The following HIGD1C variants were observed in gnomAD, a reference collection of about 807,000 sequenced individuals.
HIGD1C encodes the protein HIG1 hypoxia inducible domain family member 1C.
HIGD1C carries 11 observed loss-of-function variants against 13.1 expected under a neutral mutation model. The ratio of observed to expected loss-of-function variants is 0.84; its 90% CI spans 0.53 to 1.39. HIGD1C has a LOEUF of 1.39. Ranked by LOEUF, HIGD1C falls within the 40% of genes most tolerant of loss-of-function variation. The pLI is 0.00. For synonymous variants in HIGD1C, 36 were observed against 37.7 expected (o/e 0.95, Z 0.17); for missense variants, 110 against 112.0 (o/e 0.98, Z 0.08).
At chr12:50,957,201 T>G (rs892116493) in intron 1 of HIGD1C, among the ~76,000 whole-genome samples, 3 of 151,064 alleles carry the variant, frequency 2.0e-5, no homozygotes. Context: ...ACATAAAAAT[T>G]ACTTGCTTTT....
chr12:50,939,170 C>T, the HIGD1C span, among the ~76,000 whole-genome samples: 16 of 152,246 alleles, frequency 1.1e-4, no homozygotes, highest in East Asian at 1.7e-3. Context: ...TATTTTGAGA[C>T]GGAGTCTTGC....
Position 50,970,423 on chromosome 12 carries a change from T to C in HIGD1C, c.230-19T>C, listed in dbSNP as rs1448375506. On this transcript the variant is annotated intron_variant, in intron 2 of 2. Coordinates refer to ENST00000398455, the Ensembl canonical transcript of HIGD1C. ...GTTTCCCATGGATACTCAATTGATA[T>C]ACATCCTTCTTTTTCTAGGTGTTCT... 1 of 1,289,580 alleles carries C rather than the reference T, an allele frequency of 7.8e-7. No individual in the cohort carries two copies. The highest frequency in any genetic ancestry group is 2.0e-5 in the Admixed American group (1 of 49,326). The allele number at this position is 1,289,580 out of a possible 1,614,324, so 79.9% of individuals were successfully genotyped here.
intron 2 of HIGD1C, among the ~76,000 whole-genome samples, chr12:50,967,920 T>A (rs1471867018): frequency 6.6e-6 from 1 of 151,976 alleles, no homozygotes; most frequent in Non-Finnish European, 1.5e-5. Context: ...ATACCCTATC[T>A]CTACAAAAAA....
chr12:50,959,032 A>C (rs1190808011), intron 1 of HIGD1C, among the ~76,000 whole-genome samples: 1 of 151,942 alleles, frequency 6.6e-6, no homozygotes, highest in Non-Finnish European at 1.5e-5. Context: ...AAAAACAAAC[A>C]AAAAAAAGAT....
At chr12:50,972,018 G>T (rs1592276251), downstream of HIGD1C, among the ~76,000 whole-genome samples, 1 of 152,110 alleles carries the variant, frequency 6.6e-6, no homozygotes, top group Non-Finnish European at 1.5e-5. Flanking sequence ...TGTCCTCTTT[G>T]GAAAATAGGC....
exon 3 of HIGD1C, chr12:50,970,444 G>T: frequency 2.1e-6 from 3 of 1,463,004 alleles, no homozygotes; most frequent in Non-Finnish European, 2.8e-6. Context: ...TTTTCTAGGT[G>T]TTCTCTATTC....
At chr12:50,944,102 T>C in the HIGD1C span, among the ~76,000 whole-genome samples, 1 of 152,036 alleles carries the variant, frequency 6.6e-6, no homozygotes, top group African/African-American at 2.4e-5. Context: ...ACTTCTCACT[T>C]CATAGAACAA....
downstream of HIGD1C, chr12:50,970,506 AAGCTTACATGCTGG>A: frequency 6.6e-7 from 1 of 1,519,854 alleles, no homozygotes; most frequent in Non-Finnish European, 8.9e-7. Flanking sequence ...CCAAAAAATG[AAGCTTACATGCTGG>A]AAGCAAGAAA....
At chr12:50,951,316 G>A (rs1434329794), upstream of HIGD1C, among the ~76,000 whole-genome samples, 1 of 152,042 alleles carries the variant, frequency 6.6e-6, no homozygotes, top group East Asian at 1.9e-4. Context: ...TTAGAAATTG[G>A]GCATGGTGGG....
the HIGD1C span, among the ~76,000 whole-genome samples, chr12:50,948,528 C>T: frequency 6.6e-6 from 1 of 151,734 alleles, no homozygotes; most frequent in South Asian, 2.1e-4. Context: ...TTCCTTTGAC[C>T]CAGCAATTCC....
At chr12:50,932,542 TTTC>T in the HIGD1C span, 4 of 152,250 alleles carry the variant, frequency 2.6e-5, no homozygotes, top group Non-Finnish European at 4.4e-5. Flanking sequence ...TGGTTTCCTT[TTTC>T]TTAATGTCTC....
At chr12:50,934,121 G>A in the HIGD1C span, among the ~76,000 whole-genome samples, 1 of 152,194 alleles carries the variant, frequency 6.6e-6, no homozygotes, top group African/African-American at 2.4e-5. Flanking sequence ...TGCTAGGAAG[G>A]CACATAACAA....
At chr12:50,951,399 T>C (rs73310024), upstream of HIGD1C, among the ~76,000 whole-genome samples, 4,868 of 152,296 alleles carry the variant, frequency 0.032, 264 homozygotes, top group African/African-American at 0.11. Flanking sequence ...CCAGAGCCAG[T>C]TGAGTTGTTA....
At chr12:50,939,839 CA>C in the HIGD1C span, 2 of 151,918 alleles carry the variant, frequency 1.3e-5, no homozygotes, top group African/African-American at 4.8e-5. Flanking sequence ...GTAAGAGGAA[CA>C]GAATGTTTAT....
At chr12:50,956,405 GGAT>G (rs1362908915) in intron 1 of HIGD1C, among the ~76,000 whole-genome samples, 1 of 151,948 alleles carries the variant, frequency 6.6e-6, no homozygotes, top group Non-Finnish European at 1.5e-5. Flanking sequence ...AAAAAAAATT[GGAT>G]ATATATCATT....
At chr12:50,954,039 G>C (rs1488715531) in exon 1 of HIGD1C, 1 of 1,613,324 alleles carries the variant, frequency 6.2e-7, no homozygotes, top group South Asian at 1.1e-5. Context: ...GAGGATGAAG[G>C]CCAATTATCC....
At chr12:50,953,622 T>C (rs146340428), upstream of HIGD1C, among the ~76,000 whole-genome samples, 967 of 152,344 alleles carry the variant, frequency 6.3e-3, 2 homozygotes, top group Middle Eastern at 0.024. Context: ...TTTAAAATGA[T>C]ACTTTAAAAA....
intron 2 of HIGD1C, among the ~76,000 whole-genome samples, chr12:50,970,065 TC>T (rs1487026458): frequency 6.6e-6 from 1 of 152,136 alleles, no homozygotes; most frequent in Non-Finnish European, 1.5e-5. Flanking sequence ...AGGAATTAGA[TC>T]CACTCACCAT....
chr12:50,937,970 A>G, the HIGD1C span, among the ~76,000 whole-genome samples: 229 of 152,268 alleles, frequency 1.5e-3, no homozygotes, highest in Middle Eastern at 3.4e-3. Flanking sequence ...ACGGTCATCA[A>G]TGAAATTCTC....
Sources: gnomAD v4.1 joint callset for allele counts (sites outside exome capture counted in the v4.1 genomes callset) on GRCh38, gnomAD v4.1.1 for gene constraint, MANE v1.5 for transcripts, NCBI Gene and HGNC (gene_info 2026-07-23, HGNC 2026-07-21) for gene names.